Variants in ARMC2 observed in about 807,000 individuals in gnomAD.
ARMC2 encodes armadillo repeat containing 2, also known as armadillo repeat-containing protein 2.
ARMC2 carries 67 observed loss-of-function variants against 90.3 expected under a neutral mutation model. The ratio of observed to expected loss-of-function variants is 0.74; its 90% CI spans 0.61 to 0.91. The LOEUF is 0.91. Ranked by LOEUF, ARMC2 falls within the 40% of genes least tolerant of loss-of-function variation. The probability of loss-of-function intolerance (pLI) is 0.00; values close to 1 mark genes in which losing one functional copy is unlikely to be tolerated. For missense variants in ARMC2, 920 were observed against 1,030.9 expected (o/e 0.89, Z 1.47); for synonymous variants, 393 against 393.0 (o/e 1.00, Z 0.00).
the ARMC2 span, among the ~76,000 whole-genome samples, chr6:109,026,390 C>T: frequency 6.6e-6 from 1 of 152,204 alleles, no homozygotes; most frequent in African/African-American, 2.4e-5. Flanking sequence ...AAAATTCTCA[C>T]CTACCCAGAA....
chr6:108,881,245 TTTC>T (rs1777531911), intron 5 of ARMC2, among the ~76,000 whole-genome samples: 1 of 147,940 alleles, frequency 6.8e-6, no homozygotes, highest in African/African-American at 2.5e-5. Context: ...TCTCTTTCTT[TTTC>T]TTTTCTTTCT....
chr6:108,914,117 G>T (rs1322322594), intron 10 of ARMC2, among the ~76,000 whole-genome samples: 1 of 152,020 alleles, frequency 6.6e-6, no homozygotes, highest in East Asian at 1.9e-4. Flanking sequence ...ATATAAATGT[G>T]GTTTGCTGTT....
chr6:109,042,932 G>A, the ARMC2 span, among the ~76,000 whole-genome samples: 1 of 151,898 alleles, frequency 6.6e-6, no homozygotes, highest in Admixed American at 6.6e-5. Context: ...TGAAAATGGA[G>A]GCAAAAATCC....
intron 10 of ARMC2, among the ~76,000 whole-genome samples, chr6:108,917,033 A>G (rs988865224): frequency 6.6e-6 from 1 of 152,244 alleles, no homozygotes; most frequent in African/African-American, 2.4e-5. Context: ...TGTACAATGT[A>G]ACTATTAAAG....
At chr6:109,048,681 C>T in the ARMC2 span, among the ~76,000 whole-genome samples, 1 of 152,102 alleles carries the variant, frequency 6.6e-6, no homozygotes, top group African/African-American at 2.4e-5. Context: ...AATCTTATTC[C>T]CTAATACAGC....
chr6:108,881,113 C>T (rs1420397197), intron 5 of ARMC2, among the ~76,000 whole-genome samples: 1 of 152,126 alleles, frequency 6.6e-6, no homozygotes, highest in Non-Finnish European at 1.5e-5. Context: ...CTCAGCCTCC[C>T]AAAGTACTGA....
At chr6:108,970,017 C>G (rs1167227296) in intron 17 of ARMC2, among the ~76,000 whole-genome samples, 1 of 151,924 alleles carries the variant, frequency 6.6e-6, no homozygotes, top group East Asian at 1.9e-4. Flanking sequence ...GCCTGGGTGA[C>G]AGAATGAGAC....
chr6:108,885,298 A>G (rs956005631), intron 5 of ARMC2, among the ~76,000 whole-genome samples: 2 of 151,996 alleles, frequency 1.3e-5, no homozygotes, highest in Non-Finnish European at 2.9e-5. Flanking sequence ...AGTACCTTGG[A>G]GGACTTTCTT....
chr6:109,031,573 C>T, the ARMC2 span, among the ~76,000 whole-genome samples: 1 of 152,158 alleles, frequency 6.6e-6, no homozygotes, highest in Non-Finnish European at 1.5e-5. Flanking sequence ...CTTCCCTGAC[C>T]CCTCCTGGTC....
At chr6:108,862,468 ATTATGTGAGGGTC>A (rs1046523972) in intron 3 of ARMC2, among the ~76,000 whole-genome samples, 1 of 151,794 alleles carries the variant, frequency 6.6e-6, no homozygotes, top group Non-Finnish European at 1.5e-5. Flanking sequence ...GTTATTGTGG[ATTATGTGAGGGTC>A]TTAAGTACAT....
At chr6:108,960,904 A>C (rs943662024) in intron 13 of ARMC2, among the ~76,000 whole-genome samples, 14 of 152,126 alleles carry the variant, frequency 9.2e-5, no homozygotes, top group Non-Finnish European at 2.1e-4. Context: ...ATGAGGCCAG[A>C]GAGATAAGGC....
intron 10 of ARMC2, among the ~76,000 whole-genome samples, chr6:108,914,585 C>T (rs1462080870): frequency 1.3e-5 from 2 of 152,152 alleles, no homozygotes; most frequent in Non-Finnish European, 2.9e-5. Flanking sequence ...GGCATCCACC[C>T]GAACTTACTC....
At chr6:108,989,686 G>A in the ARMC2 span, among the ~76,000 whole-genome samples, 1 of 152,086 alleles carries the variant, frequency 6.6e-6, no homozygotes, top group African/African-American at 2.4e-5. Flanking sequence ...CATGTTTCTA[G>A]GAGTTTCTGG....
intron 5 of ARMC2, among the ~76,000 whole-genome samples, chr6:108,890,806 A>G (rs980644686): frequency 6.6e-6 from 1 of 152,176 alleles, no homozygotes; most frequent in Non-Finnish European, 1.5e-5. Flanking sequence ...GCATGTGCAG[A>G]AAGTGCAGTT....
chr6:108,895,856 G>C (rs140425795), intron 6 of ARMC2, among the ~76,000 whole-genome samples: 2 of 152,154 alleles, frequency 1.3e-5, no homozygotes, highest in Admixed American at 6.6e-5. Context: ...GAGGGGAATG[G>C]ATGCAGGGAG....
chr6:108,898,530 A>T (rs1408697912), intron 6 of ARMC2, among the ~76,000 whole-genome samples: 1 of 152,252 alleles, frequency 6.6e-6, no homozygotes, highest in Non-Finnish European at 1.5e-5. Context: ...GCCTCAGCAC[A>T]GCAAAGCCAC....
chr6:109,045,888 A>G, the ARMC2 span, among the ~76,000 whole-genome samples: 5 of 152,264 alleles, frequency 3.3e-5, no homozygotes, highest in East Asian at 9.6e-4. Context: ...TCTGAAATAA[A>G]TAAATGTGAG....
intron 10 of ARMC2, among the ~76,000 whole-genome samples, chr6:108,915,444 C>T (rs2128475063): frequency 6.6e-6 from 1 of 152,206 alleles, no homozygotes; most frequent in South Asian, 2.1e-4. Context: ...ACCTCAGGAG[C>T]TTTGGCCCAC....
the ARMC2 span, among the ~76,000 whole-genome samples, chr6:109,018,921 G>C: frequency 6.6e-6 from 1 of 152,018 alleles, no homozygotes; most frequent in African/African-American, 2.4e-5. Context: ...TTACCTGTGT[G>C]AATCAGATTT....
Sources: allele counts gnomAD v4.1 joint callset (sites outside exome capture counted in the v4.1 genomes callset), GRCh38; gene constraint gnomAD v4.1.1; transcripts MANE v1.5; gene names NCBI Gene and HGNC (gene_info 2026-07-23, HGNC 2026-07-21).